LRRIQ3: variants seen among roughly 807,000 people sequenced by gnomAD.
LRRIQ3 encodes leucine rich repeats and IQ motif containing 3.
In LRRIQ3, 75 loss-of-function variants were observed where a neutral mutation model predicts 59.3. The observed-to-expected ratio is 1.26, with a 90% CI of 1.05 to 1.53. LRRIQ3 has a LOEUF of 1.53. LRRIQ3 is among the 40% of genes most tolerant of loss of function. The pLI is 0.00. For missense variants in LRRIQ3, 831 were observed against 710.0 expected, an observed-to-expected ratio of 1.17 and a Z score of -1.94; for synonymous variants, 250 against 231.3, an observed-to-expected ratio of 1.08 and a Z score of -0.73.
chr1:74,133,080 A>C (rs562556634), intron 4 of LRRIQ3, among the ~76,000 whole-genome samples: 36 of 152,334 alleles, frequency 2.4e-4, no homozygotes, highest in Non-Finnish European at 4.6e-4. Context: ...TCAAAAGAAG[A>C]CATTTATGCA....
At chr1:74,147,243 CCT>C (rs1557639757) in intron 4 of LRRIQ3, among the ~76,000 whole-genome samples, 6 of 152,132 alleles carry the variant, frequency 3.9e-5, no homozygotes, top group Admixed American at 2.6e-4. Context: ...AAAAGAATTG[CCT>C]ACGAACAAGA....
At chr1:74,176,031 C>T (rs1263201257) in intron 3 of LRRIQ3, among the ~76,000 whole-genome samples, 1 of 152,084 alleles carries the variant, frequency 6.6e-6, no homozygotes, top group African/African-American at 2.4e-5. Flanking sequence ...AAGTGTATTT[C>T]GTTTACCCAT....
At chr1:74,068,147 A>T (rs2100461452) in intron 6 of LRRIQ3, among the ~76,000 whole-genome samples, 1 of 152,192 alleles carries the variant, frequency 6.6e-6, no homozygotes, top group East Asian at 1.9e-4. Context: ...TTCATCTCCT[A>T]TAACTAATCA....
At chr1:74,051,454 G>A (rs1654366816) in intron 6 of LRRIQ3, among the ~76,000 whole-genome samples, 1 of 151,962 alleles carries the variant, frequency 6.6e-6, no homozygotes, top group South Asian at 2.1e-4. Flanking sequence ...TCCTACATAC[G>A]ATTTTAAAAA....
chr1:74,145,738 A>T (rs1647528506), intron 4 of LRRIQ3, among the ~76,000 whole-genome samples: 1 of 152,130 alleles, frequency 6.6e-6, no homozygotes, highest in South Asian at 2.1e-4. Flanking sequence ...TGTATTAAGT[A>T]TTTAAATGTA....
intron 6 of LRRIQ3, among the ~76,000 whole-genome samples, chr1:74,069,928 C>T (rs542597149): frequency 2.0e-5 from 3 of 152,084 alleles, no homozygotes; most frequent in Admixed American, 6.6e-5. Context: ...CAATGAAATG[C>T]CATCTCGCAT....
Position 74,034,635 on chromosome 1 carries a change from GACACAC to G in LRRIQ3, c.1718+6572_1718+6577del, listed in dbSNP as rs10567002. On this transcript the variant is annotated intron_variant, in intron 7 of 7. Coordinates refer to ENST00000354431, the MANE Select transcript of LRRIQ3 (RefSeq NM_001105659.2). ...AGGAAATATTTCCAAAGCACACACA[GACACAC>G]ACACACACACACACACACACACACC... 5.5e-3 allele frequency among the ~76,000 whole-genome samples: 812 copies of G among 146,906 alleles called. 7 individuals carry two copies. The highest frequency in any genetic ancestry group is 0.016 in the African/African-American group (641 of 40,136).
At chr1:74,183,378 C>T in intron 2 of LRRIQ3, 58 bp downstream of exon 2, 1 of 1,431,890 alleles carries the variant, frequency 7.0e-7, no homozygotes, top group Admixed American at 2.3e-5. Flanking sequence ...AACATAAGTA[C>T]TTATTATAAG....
chr1:74,073,739 T>C (rs1362656797), intron 6 of LRRIQ3, among the ~76,000 whole-genome samples: 1 of 151,862 alleles, frequency 6.6e-6, no homozygotes, highest in African/African-American at 2.4e-5. Flanking sequence ...GAAAATCAAA[T>C]GGGATAAAGA....
In LRRIQ3 at chr1:74,182,855, T is replaced by C; in HGVS notation, c.256A>G (p.Ser86Gly). The C allele has an allele frequency of 2.1e-6, 3 of 1,443,050 alleles. No homozygotes were observed. Among genetic ancestry groups the C allele is most frequent in the Non-Finnish European group, 2.8e-6 (3 of 1,084,572 alleles). 89.4% of individuals were successfully genotyped at this position (1,443,050 alleles called of 1,614,324 possible). ...KLDLHGNQIK[S>G]LPNTKFWNGL... is the part of the protein sequence containing the mutation. ...TTCCAAAATTTGGTATTTGGTAGAC[T>C]CTTTATCTGAAATATTATTAAAAAT... The change falls in exon 3 of 8, where the codon AGT (serine) becomes GGT (glycine). Residue 86 changes from serine to glycine, a missense_variant. Ser to Gly is a moderately conservative substitution (Grantham distance 56). Coordinates refer to ENST00000354431, the MANE Select transcript of LRRIQ3 (RefSeq NM_001105659.2).
chr1:74,086,471 C>A (rs1646328247), intron 5 of LRRIQ3, among the ~76,000 whole-genome samples: 1 of 152,130 alleles, frequency 6.6e-6, no homozygotes, highest in South Asian at 2.1e-4. Context: ...GGATACCAGA[C>A]TGATTCTCTT....
intron 5 of LRRIQ3, among the ~76,000 whole-genome samples, chr1:74,090,349 C>A (rs1646381256): frequency 6.6e-6 from 1 of 150,690 alleles, no homozygotes; most frequent in South Asian, 2.1e-4. Context: ...AACTGAAGTG[C>A]TAGGAAGATG....
intron 3 of LRRIQ3, among the ~76,000 whole-genome samples, chr1:74,157,015 A>C (rs909177772): frequency 6.6e-6 from 1 of 152,152 alleles, no homozygotes; most frequent in African/African-American, 2.4e-5. Context: ...GTTTACAGGA[A>C]ACAAAAAAAA....
intron 4 of LRRIQ3, among the ~76,000 whole-genome samples, chr1:74,131,175 G>A (rs1397131549): frequency 6.6e-6 from 1 of 152,056 alleles, no homozygotes; most frequent in South Asian, 2.1e-4. Flanking sequence ...ACTAAACCAG[G>A]AGGAAGCTGA....
intron 6 of LRRIQ3, among the ~76,000 whole-genome samples, chr1:74,055,762 A>C (rs571364850): frequency 2.0e-5 from 3 of 152,264 alleles, no homozygotes; most frequent in African/African-American, 7.2e-5. Flanking sequence ...CAACTGTTTA[A>C]TGTTTGAAGA....
intron 3 of LRRIQ3, among the ~76,000 whole-genome samples, chr1:74,172,000 C>CT (rs1022931843): frequency 1.3e-5 from 2 of 151,908 alleles, no homozygotes; most frequent in African/African-American, 2.4e-5. Context: ...TTTAAGTCTT[C>CT]TTTTTTTCTG....
intron 4 of LRRIQ3, among the ~76,000 whole-genome samples, chr1:74,148,368 A>G (rs747324526): frequency 6.6e-6 from 1 of 152,152 alleles, no homozygotes; most frequent in Non-Finnish European, 1.5e-5. Context: ...AGTTGCTGGT[A>G]GAGGCTGTAG....
chr1:74,070,982 A>G, intron 6 of LRRIQ3, among the ~76,000 whole-genome samples: 1 of 5,198 alleles, frequency 1.9e-4, no homozygotes, highest in African/African-American at 2.4e-4. Flanking sequence ...ATATATCAAT[A>G]TATATATATA....
chr1:74,065,635 A>AT (rs1319135210), intron 6 of LRRIQ3, among the ~76,000 whole-genome samples: 7 of 152,212 alleles, frequency 4.6e-5, no homozygotes, highest in Non-Finnish European at 1.0e-4. Context: ...TTTGAATAGA[A>AT]TTTTTTAAAT....
Sources: allele counts gnomAD v4.1 joint callset (sites outside exome capture counted in the v4.1 genomes callset), GRCh38; gene constraint gnomAD v4.1.1; transcripts MANE v1.5; gene names NCBI Gene and HGNC (gene_info 2026-07-23, HGNC 2026-07-21).